PDZRN3: variants seen among roughly 807,000 people sequenced by gnomAD.
The protein encoded by PDZRN3 is PDZ domain containing ring finger 3.
PDZRN3 carries 38 observed loss-of-function variants against 85.7 expected under a neutral mutation model. The ratio of observed to expected loss-of-function variants is 0.44; its 90% CI spans 0.34 to 0.58. The LOEUF (loss-of-function observed/expected upper bound fraction) is 0.58, where lower values mean the gene tolerates loss of function less well. Ranked by LOEUF, PDZRN3 falls within the 20% of genes least tolerant of loss-of-function variation. The probability of loss-of-function intolerance (pLI) is 0.01; values close to 1 mark genes in which losing one functional copy is unlikely to be tolerated. For synonymous variants in PDZRN3, 759 were observed against 638.0 expected (o/e 1.19, Z -2.86); for missense variants, 1,629 against 1,506.4 (o/e 1.08, Z -1.35).
intron 9 of PDZRN3, 68 bp downstream of exon 9, chr3:73,385,601 G>A (rs923350783): frequency 4.2e-5 from 39 of 924,600 alleles, no homozygotes; most frequent in Non-Finnish European, 6.7e-5. Flanking sequence ...CATAAAGGGA[G>A]ATGGAGGAAG....
intron 2 of PDZRN3, among the ~76,000 whole-genome samples, chr3:73,607,512 C>T (rs541032102): frequency 6.6e-6 from 1 of 152,318 alleles, no homozygotes; most frequent in South Asian, 2.1e-4. Flanking sequence ...TCATCAGTCT[C>T]TCCATCTGGA....
At chr3:73,430,679 A>AC (rs1702413648) in intron 3 of PDZRN3, among the ~76,000 whole-genome samples, 1 of 151,132 alleles carries the variant, frequency 6.6e-6, no homozygotes, top group Admixed American at 6.6e-5. Flanking sequence ...CCATCCTTAC[A>AC]CCCCCAACTC....
intron 3 of PDZRN3, among the ~76,000 whole-genome samples, chr3:73,503,467 A>C (rs1704018578): frequency 6.6e-6 from 1 of 152,270 alleles, no homozygotes; most frequent in African/African-American, 2.4e-5. Flanking sequence ...CTTCAAAAAA[A>C]GTATGATTTC....
chr3:73,557,320 G>C (rs1701720363), intron 3 of PDZRN3, among the ~76,000 whole-genome samples: 1 of 152,172 alleles, frequency 6.6e-6, no homozygotes, highest in African/African-American at 2.4e-5. Flanking sequence ...CCATTTCTGT[G>C]GGGTGTGTCA....
rs1336551215 is a variant in PDZRN3, at chr3:73,383,325, G to A, written c.*40C>T. On this transcript the variant is annotated 3_prime_UTR_variant, in exon 10 of 10. Coordinates refer to ENST00000263666, the MANE Select transcript of PDZRN3 (RefSeq NM_015009.3). ...ACGAGGCAGGAATTTCTACCCCAGTGGTAGTGGTCTCCTTTATGTACATAA... is the reference window on the plus strand; with the variant it reads ...ACGAGGCAGGAATTTCTACCCCAGTAGTAGTGGTCTCCTTTATGTACATAA... The A allele has an allele frequency of 2.6e-6, 4 of 1,532,514 alleles. No individual in the cohort carries two copies. Among genetic ancestry groups the A allele is most frequent in the Non-Finnish European group, 3.5e-6 (4 of 1,136,852 alleles). 94.9% of individuals were successfully genotyped at this position (1,532,514 alleles called of 1,614,324 possible). A position where few individuals can be genotyped will look rare whatever the true frequency, so the allele number is the denominator to read the frequency against.
intron 3 of PDZRN3, chr3:73,569,451 G>T: frequency 8.9e-7 from 1 of 1,129,454 alleles, no homozygotes; most frequent in Non-Finnish European, 1.1e-6. Flanking sequence ...CTTAAGCCCC[G>T]AGGCGTCTAC....
intron 3 of PDZRN3, among the ~76,000 whole-genome samples, chr3:73,405,361 AT>A (rs1319340983): frequency 6.6e-6 from 1 of 152,224 alleles, no homozygotes; most frequent in African/African-American, 2.4e-5. Flanking sequence ...CAGTGATTTA[AT>A]TTATCCTCTC....
chr3:73,622,955 T>C (rs766231894), intron 1 of PDZRN3, among the ~76,000 whole-genome samples: 4 of 152,126 alleles, frequency 2.6e-5, no homozygotes, highest in Non-Finnish European at 2.9e-5. Flanking sequence ...ACATGCAGCT[T>C]TGCACCCAAA....
At chr3:73,623,386 T>A (rs1235397815) in intron 1 of PDZRN3, among the ~76,000 whole-genome samples, 6 of 152,178 alleles carry the variant, frequency 3.9e-5, no homozygotes, top group Non-Finnish European at 8.8e-5. Context: ...GGGGGCAGAG[T>A]GCTCCTTTAA....
chr3:73,580,075 G>A (rs998107717), intron 3 of PDZRN3, among the ~76,000 whole-genome samples: 1 of 152,104 alleles, frequency 6.6e-6, no homozygotes, highest in Non-Finnish European at 1.5e-5. Context: ...GCTCCTATGG[G>A]TGTTGATTTA....
intron 3 of PDZRN3, chr3:73,474,664 T>A: frequency 8.9e-7 from 1 of 1,126,264 alleles, no homozygotes; most frequent in Non-Finnish European, 1.1e-6. Context: ...ACTTTTAAGA[T>A]CACAGAATAG....
chr3:73,460,319 A>G (rs1703078432), intron 3 of PDZRN3, among the ~76,000 whole-genome samples: 1 of 152,086 alleles, frequency 6.6e-6, no homozygotes, highest in South Asian at 2.1e-4. Flanking sequence ...CTCTCCATTG[A>G]TCCTTCCTCC....
intron 3 of PDZRN3, among the ~76,000 whole-genome samples, chr3:73,544,204 T>A (rs924065465): frequency 1.3e-5 from 2 of 152,212 alleles, no homozygotes; most frequent in Admixed American, 1.3e-4. Context: ...CAACTCTGTC[T>A]CAAAAACAAA....
In PDZRN3 at chr3:73,565,786, AACACACACACACACACAC is replaced by A. The variant is rs61564723; in HGVS notation, c.918+36550_918+36567del. Among the ~76,000 whole-genome samples the A allele has an allele frequency of 1.3e-4, 5 of 37,914 alleles. No individual in the cohort carries two copies. The East Asian group carries it at 5.2e-3, about 39-fold the overall frequency. The allele number at this position is 37,914 out of a possible 152,430, so 24.9% of individuals were successfully genotyped here. A position where few individuals can be genotyped will look rare whatever the true frequency, so the allele number is the denominator to read the frequency against. On this transcript the variant is annotated intron_variant, in intron 3 of 9. Transcript: ENST00000263666. The stretch of plus-strand genomic sequence containing the variant: ...AACCCTGTCTCTACTAAAAATACAA[AACACACACACACACACAC>A]ACACACACACACACACACACACACA...
intron 3 of PDZRN3, among the ~76,000 whole-genome samples, chr3:73,520,827 T>A (rs1406806047): frequency 6.6e-6 from 1 of 152,040 alleles, no homozygotes; most frequent in Non-Finnish European, 1.5e-5. Context: ...AGGGGGCAGG[T>A]CTCACTGGCA....
chr3:73,464,912 C>T (rs1241779502), intron 3 of PDZRN3, among the ~76,000 whole-genome samples: 2 of 152,112 alleles, frequency 1.3e-5, no homozygotes, highest in African/African-American at 4.8e-5. Flanking sequence ...TTCAAGAATA[C>T]AATATATTGT....
At chr3:73,598,303 T>C (rs4677313) in intron 3 of PDZRN3, among the ~76,000 whole-genome samples, 136,515 of 152,262 alleles carry the variant, frequency 0.9, 61,260 homozygotes, top group African/African-American at 0.94. Context: ...AGACAGTAGG[T>C]TCAGAGGCAG....
chr3:73,543,834 G>T (rs1467494110), intron 3 of PDZRN3, among the ~76,000 whole-genome samples: 1 of 152,154 alleles, frequency 6.6e-6, no homozygotes. Context: ...TGTTCAACTT[G>T]CCTAACTGAG....
intron 3 of PDZRN3, among the ~76,000 whole-genome samples, chr3:73,490,245 A>G (rs750050991): frequency 1.6e-4 from 24 of 152,168 alleles, no homozygotes; most frequent in Non-Finnish European, 3.1e-4. Flanking sequence ...AGCACCCCAT[A>G]CAGAATGCTT....
Sources: gnomAD v4.1 joint callset for allele counts (sites outside exome capture counted in the v4.1 genomes callset) on GRCh38, gnomAD v4.1.1 for gene constraint, MANE v1.5 for transcripts, NCBI Gene and HGNC (gene_info 2026-07-23, HGNC 2026-07-21) for gene names.